ZNF385D: variants seen among roughly 807,000 people sequenced by gnomAD.
ZNF385D encodes the protein zinc finger protein 659.
In ZNF385D, 15 loss-of-function variants were observed where a neutral mutation model predicts 35.8. That is an observed-to-expected ratio of 0.42 (90% CI 0.28 to 0.64). The LOEUF is 0.64. Among genes scored for constraint, ZNF385D ranks in the 30% least tolerant of loss-of-function variants. The pLI, the probability that ZNF385D is intolerant of heterozygous loss-of-function variation, is 0.23. For synonymous variants in ZNF385D, 212 were observed against 186.8 expected (o/e 1.13, Z -1.10); for missense variants, 474 against 494.6 (o/e 0.96, Z 0.39).
chr3:22,165,267 G>C (rs1311598755), intron 3 of ZNF385D, among the ~76,000 whole-genome samples: 1 of 152,100 alleles, frequency 6.6e-6, no homozygotes, highest in Non-Finnish European at 1.5e-5. Flanking sequence ...GGATATATGG[G>C]AACTTTACTT....
chr3:22,039,675 T>C (rs1698546029), intron 3 of ZNF385D, among the ~76,000 whole-genome samples: 1 of 152,130 alleles, frequency 6.6e-6, no homozygotes, highest in African/African-American at 2.4e-5. Flanking sequence ...TCATGTTAAA[T>C]TCATTGCAAA....
chr3:21,685,460 A>T (rs1399206504), intron 1 of ZNF385D, among the ~76,000 whole-genome samples: 1 of 152,208 alleles, frequency 6.6e-6, no homozygotes, highest in Non-Finnish European at 1.5e-5. Flanking sequence ...AAATCTCTAC[A>T]TCTCTCTTTT....
At chr3:21,519,435 GA>G (rs1707779735) in intron 3 of ZNF385D, among the ~76,000 whole-genome samples, 1 of 152,156 alleles carries the variant, frequency 6.6e-6, no homozygotes, top group South Asian at 2.1e-4. Flanking sequence ...TGATATAGTA[GA>G]GAGTGCTTAC....
At chr3:21,455,905 C>T (rs1463792226) in intron 4 of ZNF385D, among the ~76,000 whole-genome samples, 11 of 151,926 alleles carry the variant, frequency 7.2e-5, no homozygotes, top group African/African-American at 2.7e-4. Context: ...AAAAAACAAC[C>T]CCATCAAAAA....
chr3:22,196,879 T>C (rs1288611055), intron 2 of ZNF385D, among the ~76,000 whole-genome samples: 1 of 152,110 alleles, frequency 6.6e-6, no homozygotes, highest in Non-Finnish European at 1.5e-5. Context: ...GTCCTTAATA[T>C]TTATTGAGCA....
chr3:21,499,321 C>CT (rs1706184496), intron 4 of ZNF385D, among the ~76,000 whole-genome samples: 1 of 152,098 alleles, frequency 6.6e-6, no homozygotes, highest in Admixed American at 6.6e-5. Context: ...AAGATCATGT[C>CT]TTTGCAGCAA....
At chr3:21,682,734 T>A (rs1230231696) in intron 1 of ZNF385D, among the ~76,000 whole-genome samples, 1 of 149,932 alleles carries the variant, frequency 6.7e-6, no homozygotes, top group Non-Finnish European at 1.5e-5. Context: ...CAAACTTTTT[T>A]TTTTTTCCTT....
chr3:21,691,171 A>G (rs981258560), intron 1 of ZNF385D, among the ~76,000 whole-genome samples: 2 of 152,116 alleles, frequency 1.3e-5, no homozygotes, highest in African/African-American at 4.8e-5. Context: ...TGTCTTGCCA[A>G]TGCCATACCG....
intron 3 of ZNF385D, among the ~76,000 whole-genome samples, chr3:22,001,192 A>C (rs995511786): frequency 1.3e-5 from 2 of 152,128 alleles, no homozygotes; most frequent in African/African-American, 2.4e-5. Context: ...TACTTAAAAG[A>C]TATAGATTAG....
At chr3:21,774,185 G>C (rs377049360) in intron 3 of ZNF385D, among the ~76,000 whole-genome samples, 2 of 151,910 alleles carry the variant, frequency 1.3e-5, no homozygotes. Flanking sequence ...ATCAAATAGT[G>C]CATGTCCTCA....
intron 2 of ZNF385D, among the ~76,000 whole-genome samples, chr3:22,345,072 T>A (rs1031298048): frequency 6.6e-6 from 1 of 152,198 alleles, no homozygotes; most frequent in African/African-American, 2.4e-5. Flanking sequence ...TCATCATGGG[T>A]CCTAGTATAC....
At position 21,465,427 on chromosome 3, in the gene ZNF385D, T is replaced by C. The variant is rs1425989300; in HGVS notation, c.440-28224A>G. Among the ~76,000 whole-genome samples, 1 of 152,232 alleles carries C rather than the reference T, an allele frequency of 6.6e-6. No homozygotes were observed. The highest frequency in any genetic ancestry group is 1.5e-5 in the Non-Finnish European group (1 of 68,042). ...ATCAGTTGGAAGAGAAAGTTTCTTC[T>C]GCTCTTCCCAAGAGGGCCACAGCCT... is the stretch of plus-strand genomic sequence containing the variant. On this transcript the variant is annotated intron_variant, in intron 4 of 7. Coordinates refer to ENST00000281523, the MANE Select transcript of ZNF385D (RefSeq NM_024697.3). The surrounding 1 kb of genome is among the most constrained non-coding windows in gnomAD (Gnocchi z 4.2).
chr3:21,460,917 T>C (rs1377542285), intron 4 of ZNF385D, among the ~76,000 whole-genome samples: 4 of 152,122 alleles, frequency 2.6e-5, no homozygotes, highest in Non-Finnish European at 5.9e-5. Flanking sequence ...ATCTCTAGGA[T>C]TTGTTTAGCA....
At chr3:21,560,799 A>T (rs186326441) in intron 3 of ZNF385D, among the ~76,000 whole-genome samples, 2 of 152,246 alleles carry the variant, frequency 1.3e-5, no homozygotes, top group Admixed American at 6.5e-5. Context: ...ATTATCTATA[A>T]GCCCCTGACT....
At chr3:22,202,994 A>G (rs1696905018) in intron 2 of ZNF385D, among the ~76,000 whole-genome samples, 1 of 152,094 alleles carries the variant, frequency 6.6e-6, no homozygotes, top group South Asian at 2.1e-4. Context: ...GGCAAATCCT[A>G]GTGGTGTGCT....
chr3:21,937,957 C>A (rs945380261), intron 3 of ZNF385D, among the ~76,000 whole-genome samples: 1 of 152,180 alleles, frequency 6.6e-6, no homozygotes, highest in Non-Finnish European at 1.5e-5. Context: ...TTTCTTGCAA[C>A]AGTGTCCAAA....
At chr3:22,237,372 A>G (rs1468675840) in intron 2 of ZNF385D, among the ~76,000 whole-genome samples, 3 of 151,934 alleles carry the variant, frequency 2.0e-5, no homozygotes, top group African/African-American at 7.3e-5. Flanking sequence ...TGGGCTGTTT[A>G]TTATTGGGTT....
intron 2 of ZNF385D, among the ~76,000 whole-genome samples, chr3:22,328,005 A>T (rs766317581): frequency 2.6e-5 from 4 of 152,082 alleles, no homozygotes; most frequent in Non-Finnish European, 5.9e-5. Context: ...AAATATACAC[A>T]TTATTTTCTA....
chr3:22,009,563 C>T (rs1485961067), intron 3 of ZNF385D, among the ~76,000 whole-genome samples: 1 of 149,050 alleles, frequency 6.7e-6, no homozygotes. Context: ...GCAGAGCTTG[C>T]AGTGAGGCGA....
Sources: gnomAD v4.1 joint callset for allele counts (sites outside exome capture counted in the v4.1 genomes callset) on GRCh38, gnomAD v4.1.1 for gene constraint, Gnocchi (gnomAD v3.1) non-coding constraint, MANE v1.5 for transcripts, NCBI Gene and HGNC (gene_info 2026-07-23, HGNC 2026-07-21) for gene names.